The following CDH12 variants were observed in gnomAD, a reference collection of about 807,000 sequenced individuals.
CDH12 encodes cadherin-12.
In CDH12, 41 loss-of-function variants were observed where a neutral mutation model predicts 74.1. The ratio of observed to expected loss-of-function variants is 0.55; its 90% CI spans 0.43 to 0.72. CDH12 has a LOEUF of 0.72. Ranked by LOEUF, CDH12 falls within the 30% of genes least tolerant of loss-of-function variation. The probability of loss-of-function intolerance (pLI) is 0.00; values close to 1 mark genes in which losing one functional copy is unlikely to be tolerated. For missense variants in CDH12, 945 were observed against 977.2 expected (o/e 0.97, Z 0.44); for synonymous variants, 399 against 355.0 (o/e 1.12, Z -1.39).
intron 10 of CDH12, among the ~76,000 whole-genome samples, chr5:21,799,746 G>A (rs1463434988): frequency 6.6e-6 from 1 of 152,194 alleles, no homozygotes; most frequent in Non-Finnish European, 1.5e-5. Flanking sequence ...ATGTCACCAG[G>A]CTTGTGGAAT....
At chr5:22,533,962 C>T (rs994445103) in intron 1 of CDH12, among the ~76,000 whole-genome samples, 1 of 152,082 alleles carries the variant, frequency 6.6e-6, no homozygotes, top group Non-Finnish European at 1.5e-5. Flanking sequence ...TAAGTAGTAT[C>T]TTATAAAATA....
chr5:22,682,801 A>G (rs1456700294), intron 1 of CDH12, among the ~76,000 whole-genome samples: 1 of 151,108 alleles, frequency 6.6e-6, no homozygotes, highest in Non-Finnish European at 1.5e-5. Flanking sequence ...CTCCCCTCAG[A>G]AAAAAAAAGC....
chr5:22,439,787 A>AATGAAAATG (rs1316736405), intron 2 of CDH12, among the ~76,000 whole-genome samples: 1 of 152,106 alleles, frequency 6.6e-6, no homozygotes, highest in Non-Finnish European at 1.5e-5. Context: ...TTTTCTAAAG[A>AATGAAAATG]ATCTGATAAG....
At chr5:22,537,188 C>T (rs1737886859) in intron 1 of CDH12, among the ~76,000 whole-genome samples, 1 of 152,126 alleles carries the variant, frequency 6.6e-6, no homozygotes, top group African/African-American at 2.4e-5. Flanking sequence ...GATTACATAT[C>T]AGTAAAGAAA....
At chr5:21,924,894 T>C (rs1754520461) in intron 6 of CDH12, among the ~76,000 whole-genome samples, 1 of 152,232 alleles carries the variant, frequency 6.6e-6, no homozygotes, top group South Asian at 2.1e-4. Flanking sequence ...TTATTTGAGA[T>C]ACTCTATTAG....
At chr5:21,757,872 T>C (rs1431339981) in intron 13 of CDH12, among the ~76,000 whole-genome samples, 4 of 152,222 alleles carry the variant, frequency 2.6e-5, no homozygotes, top group Non-Finnish European at 5.9e-5. Context: ...GCATCTATCA[T>C]GAAGTCTTAT....
chr5:22,816,404 A>G (rs1161849422), intron 1 of CDH12, among the ~76,000 whole-genome samples: 1 of 152,086 alleles, frequency 6.6e-6, no homozygotes, highest in Non-Finnish European at 1.5e-5. Context: ...TCTATAATAT[A>G]TCTAGCTAGA....
intron 1 of CDH12, among the ~76,000 whole-genome samples, chr5:22,665,063 T>C (rs1228746102): frequency 6.6e-6 from 1 of 152,074 alleles, no homozygotes; most frequent in African/African-American, 2.4e-5. Flanking sequence ...CAAGTAATCC[T>C]CCCTCCTCAG....
At chr5:22,338,145 T>C (rs1215404320) in intron 3 of CDH12, among the ~76,000 whole-genome samples, 1 of 152,180 alleles carries the variant, frequency 6.6e-6, no homozygotes, top group Non-Finnish European at 1.5e-5. Flanking sequence ...CTGTTCCTTA[T>C]AGCTAAGATT....
intron 1 of CDH12, among the ~76,000 whole-genome samples, chr5:22,751,254 C>T (rs1745556640): frequency 6.7e-6 from 1 of 150,176 alleles, no homozygotes; most frequent in Non-Finnish European, 1.5e-5. Flanking sequence ...TGAAAAAGCA[C>T]AGTGGTCCCT....
intron 6 of CDH12, chr5:21,884,288 T>C (rs551308052): frequency 6.9e-7 from 1 of 1,456,670 alleles, no homozygotes; most frequent in South Asian, 1.1e-5. Context: ...GAATGGGAGG[T>C]GGTATGGGAG....
chr5:22,740,355 G>T (rs1486556680), intron 1 of CDH12, among the ~76,000 whole-genome samples: 2 of 151,510 alleles, frequency 1.3e-5, no homozygotes, highest in East Asian at 2.0e-4. Flanking sequence ...TCGAGAAATT[G>T]TTCTTTTATA....
chr5:22,452,901 A>T lies in CDH12; in HGVS notation c.-427-47550T>A, dbSNP rs79895193. ...AGAGCAAAAAAAAAAAAAAAAAAAA[A>T]AAATGAGTTAAAAGTGGACCAAAGC... On this transcript the variant is annotated intron_variant, in intron 2 of 14. Transcript: ENST00000382254. 2.5e-3 allele frequency among the ~76,000 whole-genome samples: 320 copies of T among 125,994 alleles called. 2 individuals carry two copies. Among genetic ancestry groups the T allele is most frequent in the Admixed American group, 5.6e-3 (52 of 9,294 alleles). 82.7% of individuals were successfully genotyped at this position (125,994 alleles called of 152,430 possible). A position where few individuals can be genotyped will look rare whatever the true frequency, so the allele number is the denominator to read the frequency against.
chr5:22,595,069 G>A (rs539581549), intron 1 of CDH12, among the ~76,000 whole-genome samples: 44 of 152,136 alleles, frequency 2.9e-4, no homozygotes, highest in Middle Eastern at 3.4e-3. Flanking sequence ...TCAAACAAAT[G>A]TGGCCTTTAA....
intron 3 of CDH12, among the ~76,000 whole-genome samples, chr5:22,216,502 C>G (rs1424194465): frequency 6.6e-6 from 1 of 151,910 alleles, no homozygotes; most frequent in East Asian, 1.9e-4. Context: ...TGAAAAATTA[C>G]TGTTAATTAT....
intron 1 of CDH12, among the ~76,000 whole-genome samples, chr5:22,796,076 T>G (rs1300895240): frequency 6.6e-6 from 1 of 152,196 alleles, no homozygotes; most frequent in African/African-American, 2.4e-5. Context: ...GAACCATATT[T>G]TTTAAATCTA....
chr5:21,833,816 A>G (rs1389703171), intron 8 of CDH12, among the ~76,000 whole-genome samples: 1 of 151,730 alleles, frequency 6.6e-6, no homozygotes, highest in Non-Finnish European at 1.5e-5. Flanking sequence ...CTCACTGGGG[A>G]TATGGGATCC....
At chr5:21,964,493 AC>A (rs1230545173) in intron 6 of CDH12, among the ~76,000 whole-genome samples, 3 of 152,036 alleles carry the variant, frequency 2.0e-5, no homozygotes, top group African/African-American at 7.2e-5. Context: ...AAAAACAAAT[AC>A]ATGGACCCAT....
chr5:21,938,748 A>ATATATATATATATATCTC, intron 6 of CDH12, among the ~76,000 whole-genome samples: 1 of 136,604 alleles, frequency 7.3e-6, no homozygotes, highest in African/African-American at 3.0e-5. Context: ...ATATATATAT[A>ATATATATATATATATCTC]TCTTCTACAT....
Sources: gnomAD v4.1 joint callset for allele counts (sites outside exome capture counted in the v4.1 genomes callset) on GRCh38, gnomAD v4.1.1 for gene constraint, MANE v1.5 for transcripts, NCBI Gene and HGNC (gene_info 2026-07-23, HGNC 2026-07-21) for gene names.